Variants in SNTB1 observed in about 807,000 individuals in gnomAD.
SNTB1 encodes syntrophin beta 1, also known as beta-1-syntrophin.
SNTB1 carries 36 observed loss-of-function variants against 48.9 expected under a neutral mutation model. The observed-to-expected ratio is 0.74, with a 90% CI of 0.56 to 0.97. The LOEUF is 0.97. SNTB1 is among the 50% of genes least tolerant of loss of function. The pLI, the probability that SNTB1 is intolerant of heterozygous loss-of-function variation, is 0.00. For missense variants in SNTB1, 786 were observed against 703.4 expected (o/e 1.12, Z -1.33); for synonymous variants, 299 against 294.6 (o/e 1.01, Z -0.15).
At chr8:120,751,394 T>C (rs1819211076) in intron 1 of SNTB1, among the ~76,000 whole-genome samples, 1 of 152,194 alleles carries the variant, frequency 6.6e-6, no homozygotes, top group Non-Finnish European at 1.5e-5. Context: ...GCTCTGAAGT[T>C]ACTTATTCTA....
intron 1 of SNTB1, among the ~76,000 whole-genome samples, chr8:120,727,894 A>G (rs1818787427): frequency 6.6e-6 from 1 of 152,122 alleles, no homozygotes; most frequent in African/African-American, 2.4e-5. Flanking sequence ...CAAGATTAGA[A>G]CCCTGGCTTC....
intron 3 of SNTB1, among the ~76,000 whole-genome samples, chr8:120,631,406 C>T (rs901419726): frequency 6.6e-6 from 1 of 152,172 alleles, no homozygotes; most frequent in Non-Finnish European, 1.5e-5. Flanking sequence ...TAGGCTAAGA[C>T]CCGCGCATGA....
At chr8:120,751,777 G>T (rs914672302) in intron 1 of SNTB1, among the ~76,000 whole-genome samples, 2 of 151,890 alleles carry the variant, frequency 1.3e-5, no homozygotes, top group African/African-American at 4.8e-5. Context: ...ATAGTATGAG[G>T]TTTAAATGAA....
intron 1 of SNTB1, among the ~76,000 whole-genome samples, chr8:120,710,227 G>A (rs1211214932): frequency 1.3e-5 from 2 of 152,146 alleles, no homozygotes; most frequent in Non-Finnish European, 2.9e-5. Context: ...ATCTAATCTT[G>A]GAGCAGGGAA....
At chr8:120,732,158 C>T (rs1333140665) in intron 1 of SNTB1, among the ~76,000 whole-genome samples, 2 of 152,200 alleles carry the variant, frequency 1.3e-5, no homozygotes, top group African/African-American at 4.8e-5. Context: ...CTTCAAAGTG[C>T]TGATATGACT....
chr8:120,647,360 G>T (rs1214374626), intron 2 of SNTB1, among the ~76,000 whole-genome samples: 2 of 148,448 alleles, frequency 1.3e-5, no homozygotes. Flanking sequence ...ATTCTGGTAT[G>T]TTTTGTCTTT....
intron 1 of SNTB1, among the ~76,000 whole-genome samples, chr8:120,788,344 C>A (rs535127336): frequency 6.6e-6 from 1 of 152,190 alleles, no homozygotes; most frequent in Admixed American, 6.5e-5. Flanking sequence ...CATTAGGTAA[C>A]AATTAACATG....
intron 1 of SNTB1, among the ~76,000 whole-genome samples, chr8:120,785,629 G>T (rs1192955496): frequency 1.3e-5 from 2 of 152,200 alleles, no homozygotes; most frequent in Non-Finnish European, 2.9e-5. Context: ...TGGCCCCCAT[G>T]TGGCTTTGCT....
intron 4 of SNTB1, among the ~76,000 whole-genome samples, chr8:120,554,391 T>G (rs1019887762): frequency 6.6e-6 from 1 of 152,114 alleles, no homozygotes; most frequent in Non-Finnish European, 1.5e-5. Flanking sequence ...CAAATTAGTA[T>G]AAAAAATCAT....
At chr8:120,546,913 G>A (rs969543418) in intron 5 of SNTB1, among the ~76,000 whole-genome samples, 1 of 152,220 alleles carries the variant, frequency 6.6e-6, no homozygotes, top group African/African-American at 2.4e-5. Flanking sequence ...ACAGCAGCCT[G>A]AGCAGAACTG....
chr8:120,654,164 C>T (rs1817459902), intron 2 of SNTB1, among the ~76,000 whole-genome samples: 1 of 144,532 alleles, frequency 6.9e-6, no homozygotes, highest in African/African-American at 2.5e-5. Context: ...AAGGAACATA[C>T]ATAAAGCATG....
At chr8:120,692,719 T>C (rs1818149384) in intron 2 of SNTB1, among the ~76,000 whole-genome samples, 1 of 152,092 alleles carries the variant, frequency 6.6e-6, no homozygotes, top group Non-Finnish European at 1.5e-5. Flanking sequence ...ATGCTTAAAG[T>C]AGAAAATAGC....
intron 1 of SNTB1, among the ~76,000 whole-genome samples, chr8:120,791,073 T>C (rs912432361): frequency 1.3e-4 from 20 of 151,824 alleles, no homozygotes; most frequent in Middle Eastern, 3.4e-3. Flanking sequence ...ATGTATACTA[T>C]AGCAACCAAA....
At chr8:120,738,937 A>AC in intron 1 of SNTB1, among the ~76,000 whole-genome samples, 1 of 152,266 alleles carries the variant, frequency 6.6e-6, no homozygotes, top group Non-Finnish European at 1.5e-5. Context: ...TCACTCATCA[A>AC]CCATGTCTGC....
intron 3 of SNTB1, among the ~76,000 whole-genome samples, chr8:120,629,485 A>T (rs774129509): frequency 6.6e-6 from 1 of 152,236 alleles, no homozygotes; most frequent in African/African-American, 2.4e-5. Flanking sequence ...TTTAAGATCA[A>T]TTACAGCTAG....
intron 1 of SNTB1, among the ~76,000 whole-genome samples, chr8:120,702,545 A>C (rs568148819): frequency 6.6e-6 from 1 of 151,618 alleles, no homozygotes; most frequent in Non-Finnish European, 1.5e-5. Context: ...AGTGCTCCTG[A>C]CACCTCAGGC....
At position 120,741,555 on chromosome 8, in the gene SNTB1, G is replaced by A. The variant is rs145018527; in HGVS notation, c.572-47647C>T. 4.0e-4 allele frequency among the ~76,000 whole-genome samples: 61 copies of A among 152,332 alleles called. 1 individual carries two copies. The East Asian group carries it at 0.011, about 28-fold the overall frequency. ...ACTTGGGAGGCGGAGGTTGCAGTGA[G>A]CCGAGGTCACGCCACTGCACTCCCA... On this transcript the variant is annotated intron_variant, in intron 1 of 6. Transcript: ENST00000517992.
intron 4 of SNTB1, among the ~76,000 whole-genome samples, chr8:120,551,040 G>A (rs1815471051): frequency 1.3e-5 from 2 of 152,038 alleles, no homozygotes. Flanking sequence ...GATGTATCAC[G>A]AGGTCAGGAG....
Position 120,812,029 on chromosome 8 carries a change from G to A in SNTB1, c.-186C>T. ...GGCGGGAGTTGGCAGCTGCACTCAG[G>A]CTGGTTCCCCCTCGCCTGATCCTGA... is the stretch of plus-strand genomic sequence containing the variant. On this transcript the variant is annotated 5_prime_UTR_variant, in exon 1 of 7. Coordinates refer to ENST00000517992, the MANE Select transcript of SNTB1 (RefSeq NM_021021.4). 7.9e-7 allele frequency: 1 copy of A among 1,262,806 alleles called. No individual in the cohort carries two copies. The highest frequency in any genetic ancestry group is 9.9e-7 in the Non-Finnish European group (1 of 1,009,414). 78.2% of individuals were successfully genotyped at this position (1,262,806 alleles called of 1,614,324 possible). A position where few individuals can be genotyped will look rare whatever the true frequency, so the allele number is the denominator to read the frequency against.
Sources: gnomAD v4.1 joint callset for allele counts (sites outside exome capture counted in the v4.1 genomes callset) on GRCh38, gnomAD v4.1.1 for gene constraint, MANE v1.5 for transcripts, NCBI Gene and HGNC (gene_info 2026-07-23, HGNC 2026-07-21) for gene names.